PCTP: variants seen among roughly 807,000 people sequenced by gnomAD.
The protein encoded by PCTP is phosphatidylcholine transfer protein.
A neutral mutation model predicts 31.0 loss-of-function variants in PCTP; 27 were observed. That is an observed-to-expected ratio of 0.87 (90% confidence interval 0.64 to 1.20). The LOEUF (loss-of-function observed/expected upper bound fraction) is 1.20, where lower values mean the gene tolerates loss of function less well. Ranked by LOEUF, PCTP falls within the 50% of genes most tolerant of loss-of-function variation. The pLI, the probability that PCTP is intolerant of heterozygous loss-of-function variation, is 0.00. For missense variants in PCTP, 287 were observed against 268.2 expected, an observed-to-expected ratio of 1.07 and a Z score of -0.49; for synonymous variants, 108 against 101.2, an observed-to-expected ratio of 1.07 and a Z score of -0.40.
downstream of PCTP, among the ~76,000 whole-genome samples, chr17:55,845,332 G>C (rs1294952128): frequency 6.6e-6 from 1 of 151,958 alleles, no homozygotes; most frequent in Non-Finnish European, 1.5e-5. Flanking sequence ...TAATGTTTTG[G>C]TTATGTGCCC....
rs529158381 is a variant in PCTP at position 55,751,376 on chromosome 17, C to T, written c.141+132C>T. ...CTCCGGCTCAGGAAGGAGCTCCGCC[C>T]GGACCCTGTCTCAAGCTCTGGAGCT... On this transcript the variant is annotated intron_variant, in intron 1 of 5. Coordinates refer to ENST00000268896, the MANE Select transcript of PCTP (RefSeq NM_021213.4). 1.2e-5 allele frequency: 18 copies of T among 1,531,758 alleles called. No homozygotes were observed. The African/African-American group carries it at 1.6e-4, about 14-fold the overall frequency. The allele number at this position is 1,531,758 out of a possible 1,614,324, so 94.9% of individuals were successfully genotyped here.
intron 2 of PCTP, 99 bp downstream of exon 2, chr17:55,767,551 G>A (rs927600830): frequency 3.5e-5 from 26 of 737,420 alleles, no homozygotes; most frequent in African/African-American, 2.2e-4. Context: ...CGCAATCTCC[G>A]CCTCCTGGGT....
intron 5 of PCTP, 100 bp downstream of exon 5, chr17:55,774,959 C>A: frequency 7.8e-7 from 1 of 1,283,338 alleles, no homozygotes; most frequent in Non-Finnish European, 1.1e-6. Flanking sequence ...GACACATTGT[C>A]TCAGGCGTAA....
the PCTP span, among the ~76,000 whole-genome samples, chr17:55,850,963 T>G: frequency 6.6e-6 from 1 of 152,200 alleles, no homozygotes; most frequent in Non-Finnish European, 1.5e-5. Context: ...AACCACTGTC[T>G]CTCACTCTGC....
Position 55,841,835 on chromosome 17 carries a change from T to A in PCTP, n.506-892T>A, listed in dbSNP as rs193233555. ...CATGGTGATTCTCATTCTGGCTGAC[T>A]GTTTTAATGTTCTCTCTCCTTATAC... is the stretch of plus-strand genomic sequence containing the variant. On this transcript the variant is annotated intron_variant and non_coding_transcript_variant, in intron 5 of 5. Coordinates refer to the PCTP transcript ENST00000576221. 3.9e-4 allele frequency among the ~76,000 whole-genome samples: 59 copies of A among 152,346 alleles called. 2 individuals are homozygous for A. Among genetic ancestry groups the A allele is most frequent in the Admixed American group, 3.0e-3 (46 of 15,304 alleles).
intron 1 of PCTP, among the ~76,000 whole-genome samples, chr17:55,758,957 C>T (rs944819205): frequency 6.6e-6 from 1 of 152,186 alleles, no homozygotes; most frequent in Admixed American, 6.5e-5. Flanking sequence ...ATGGCGATTA[C>T]AGGAGGTGGC....
intron 2 of PCTP, chr17:55,769,342 TG>T (rs1485964763): frequency 1.3e-5 from 2 of 152,270 alleles, no homozygotes; most frequent in East Asian, 3.9e-4. Context: ...TAGGGGGCAG[TG>T]GGATGCTTAC....
intron 4 of PCTP, among the ~76,000 whole-genome samples, 156 bp downstream of exon 4, chr17:55,774,051 C>A (rs775088428): frequency 1.2e-4 from 18 of 152,212 alleles, no homozygotes; most frequent in Non-Finnish European, 2.6e-4. Context: ...CTAGAGAGAG[C>A]CTCATTCCAC....
intron 3 of PCTP, chr17:55,822,667 C>G: frequency 1.8e-6 from 1 of 544,364 alleles, no homozygotes; most frequent in African/African-American, 2.0e-5. Context: ...CCATGACTAT[C>G]CAAACCCCTT....
At chr17:55,847,527 C>A (rs1337712574), downstream of PCTP, among the ~76,000 whole-genome samples, 2 of 152,202 alleles carry the variant, frequency 1.3e-5, no homozygotes, top group African/African-American at 4.8e-5. Context: ...GTAAGACATG[C>A]TTTGCTTCCT....
At chr17:55,814,632 C>G (rs1463097756) in intron 3 of PCTP, among the ~76,000 whole-genome samples, 2 of 152,212 alleles carry the variant, frequency 1.3e-5, no homozygotes, top group Non-Finnish European at 2.9e-5. Context: ...GGTTCAAGAA[C>G]CACACTAGAA....
chr17:55,779,665 T>G (rs889274139), downstream of PCTP, among the ~76,000 whole-genome samples: 1 of 152,172 alleles, frequency 6.6e-6, no homozygotes. Context: ...ATATGTATTA[T>G]TCTTAACACC....
At chr17:55,762,358 A>G (rs867222001) in intron 1 of PCTP, among the ~76,000 whole-genome samples, 51 of 152,268 alleles carry the variant, frequency 3.3e-4, no homozygotes, top group African/African-American at 1.1e-3. Flanking sequence ...TGGCCTTGTC[A>G]TAGGTAAACG....
At chr17:55,829,168 A>G (rs1156887632) in intron 5 of PCTP, among the ~76,000 whole-genome samples, 1 of 151,768 alleles carries the variant, frequency 6.6e-6, no homozygotes, top group East Asian at 1.9e-4. Context: ...TTTGCCCAAG[A>G]TATGATCAAG....
chr17:55,804,495 A>G (rs528189862), intron 3 of PCTP, among the ~76,000 whole-genome samples: 1 of 152,362 alleles, frequency 6.6e-6, no homozygotes, highest in South Asian at 2.1e-4. Flanking sequence ...CTGGATAAAG[A>G]AAATGTGACA....
At chr17:55,789,661 G>T (rs910589601) in intron 3 of PCTP, among the ~76,000 whole-genome samples, 1 of 152,070 alleles carries the variant, frequency 6.6e-6, no homozygotes, top group Non-Finnish European at 1.5e-5. Flanking sequence ...ACTGCACCGT[G>T]TTATGTCTTA....
intron 3 of PCTP, among the ~76,000 whole-genome samples, chr17:55,796,888 G>A (rs1912205116): frequency 6.6e-6 from 1 of 151,916 alleles, no homozygotes; most frequent in Admixed American, 6.6e-5. Context: ...GTCACAAAAT[G>A]TTTGTAGCAT....
exon 4 of PCTP, chr17:55,822,996 G>T (rs183972843): frequency 1.7e-5 from 7 of 408,522 alleles, no homozygotes; most frequent in African/African-American, 2.1e-5. Context: ...CAGTATTTTC[G>T]CAGATGTGAA....
chr17:55,846,056 G>A (rs979301871), downstream of PCTP, among the ~76,000 whole-genome samples: 2 of 151,954 alleles, frequency 1.3e-5, no homozygotes, highest in African/African-American at 4.8e-5. Flanking sequence ...GTCAAACGAG[G>A]CATTAAGTAA....
Sources: allele counts gnomAD v4.1 joint callset (sites outside exome capture counted in the v4.1 genomes callset), GRCh38; gene constraint gnomAD v4.1.1; transcripts MANE v1.5; gene names NCBI Gene and HGNC (gene_info 2026-07-23, HGNC 2026-07-21).